Variants in DCHS2 observed in about 807,000 individuals in gnomAD.
DCHS2 encodes protocadherin-23.
Under a neutral mutation model 182.4 loss-of-function variants are expected in DCHS2, and 142 were observed. The observed-to-expected ratio is 0.78, with a 90% CI of 0.68 to 0.89. The LOEUF is 0.89. Ranked by LOEUF, DCHS2 falls within the 40% of genes least tolerant of loss-of-function variation. DCHS2 has a pLI of 0.00. For synonymous variants in DCHS2, 1,740 were observed against 1,663.3 expected (o/e 1.05, Z -1.12); for missense variants, 4,319 against 4,198.6 (o/e 1.03, Z -0.79).
At chr4:154,452,025 C>T (rs994329660) in intron 1 of DCHS2, among the ~76,000 whole-genome samples, 2 of 152,196 alleles carry the variant, frequency 1.3e-5, no homozygotes, top group African/African-American at 4.8e-5. Flanking sequence ...ACTTTCCAGA[C>T]ACTCCTGTCA....
intron 13 of DCHS2, among the ~76,000 whole-genome samples, chr4:154,295,575 T>A (rs186240872): frequency 5.9e-5 from 9 of 152,226 alleles, no homozygotes; most frequent in Non-Finnish European, 1.2e-4. Flanking sequence ...CACTAGTTCA[T>A]TGTTGTAATA....
rs190245857 is a variant in DCHS2 at position 154,370,487 on chromosome 4, A to C, written c.2245-4046T>G. ...ATTTTTTAAGATAGAGACTATTATT[A>C]TGCCCTGTATGCTTATGAGGGTCAT... On this transcript the variant is annotated intron_variant, in intron 2 of 19. Coordinates refer to ENST00000357232, the MANE Select transcript of DCHS2 (RefSeq NM_001358235.2). Among the ~76,000 whole-genome samples the C allele has an allele frequency of 8.8e-3, 1,333 of 152,302 alleles. 11 individuals are homozygous for C. The highest frequency in any genetic ancestry group is 0.014 in the Non-Finnish European group (923 of 68,012).
At chr4:154,426,938 A>G (rs1418350682) in intron 1 of DCHS2, among the ~76,000 whole-genome samples, 1 of 152,148 alleles carries the variant, frequency 6.6e-6, no homozygotes, top group Non-Finnish European at 1.5e-5. Flanking sequence ...TGCCCCATAA[A>G]TATATACACC....
chr4:154,344,768 TC>T (rs1236436147), intron 3 of DCHS2, among the ~76,000 whole-genome samples: 4 of 152,144 alleles, frequency 2.6e-5, no homozygotes, highest in Non-Finnish European at 5.9e-5. Flanking sequence ...TTCCGAGGCA[TC>T]CCTGTGCAGC....
intron 1 of DCHS2, among the ~76,000 whole-genome samples, chr4:154,420,234 GAGAC>G (rs71600327): frequency 1.0e-4 from 14 of 138,126 alleles, no homozygotes; most frequent in African/African-American, 3.3e-4. Flanking sequence ...GAACCGATGG[GAGAC>G]AGACAGACAG....
At chr4:154,475,327 T>C (rs1050080453) in intron 1 of DCHS2, among the ~76,000 whole-genome samples, 3 of 152,188 alleles carry the variant, frequency 2.0e-5, no homozygotes, top group African/African-American at 7.2e-5. Flanking sequence ...CCAATTAAAG[T>C]ATCAAAAAAG....
intron 7 of DCHS2, among the ~76,000 whole-genome samples, chr4:154,327,226 A>G (rs1736319009): frequency 6.6e-6 from 1 of 152,164 alleles, no homozygotes; most frequent in African/African-American, 2.4e-5. Context: ...CTATGCAAGT[A>G]AAACACCGCA....
intron 14 of DCHS2, among the ~76,000 whole-genome samples, chr4:154,266,321 G>A (rs1312499214): frequency 1.0e-4 from 1 of 9,974 alleles, no homozygotes; most frequent in Non-Finnish European, 1.9e-4. Context: ...AGAGTTGCAG[G>A]GGTTTTTTTT....
In DCHS2 at chr4:154,266,063, A is replaced by G. The variant is rs144474189; in HGVS notation, c.6577+3837T>C. Among the ~76,000 whole-genome samples the G allele has an allele frequency of 9.7e-3, 1,474 of 152,316 alleles. 10 individuals are homozygous for G. The highest frequency in any genetic ancestry group is 0.015 in the Non-Finnish European group (1,002 of 68,030). On this transcript the variant is annotated intron_variant, in intron 14 of 19. Transcript: ENST00000357232. ...TACGTGAATGTGGTCTCTCTTGCAA[A>G]ATATCGTATTGTACTGTATTCATCC...
At chr4:154,302,969 C>CA (rs1735276735) in intron 12 of DCHS2, among the ~76,000 whole-genome samples, 2,874 of 21,508 alleles carry the variant, frequency 0.13, 82 homozygotes, top group Admixed American at 0.16. Context: ...ACACACACAC[C>CA]CACACACACA....
rs561177526 is a variant in DCHS2 at position 154,239,020 on chromosome 4, C to T, written c.7492+150G>A. The T allele has an allele frequency of 2.8e-6, 3 of 1,061,972 alleles. No homozygotes were observed. In the East Asian group the frequency reaches 8.5e-5, roughly 30 times the overall value. The allele number at this position is 1,061,972 out of a possible 1,614,324, so 65.8% of individuals were successfully genotyped here. ...ACTGGCATTTGCTATCGCAGCACTT[C>T]ATGTGAAGAGTAATGAAACAGTCGT... On this transcript the variant is annotated intron_variant, in intron 19 of 19. Transcript: ENST00000357232.
intron 3 of DCHS2, among the ~76,000 whole-genome samples, chr4:154,335,825 C>T (rs537751294): frequency 7.2e-5 from 11 of 152,312 alleles, no homozygotes; most frequent in Admixed American, 5.2e-4. Flanking sequence ...AAACATTAGA[C>T]ATTTTAGAAG....
intron 1 of DCHS2, among the ~76,000 whole-genome samples, chr4:154,450,807 A>T (rs948348699): frequency 6.6e-6 from 1 of 152,068 alleles, no homozygotes. Flanking sequence ...GGGCAACAAG[A>T]GTGAAACTCC....
chr4:154,366,164 A>C, intron 3 of DCHS2, 46 bp downstream of exon 3: 1 of 1,521,210 alleles, frequency 6.6e-7, no homozygotes, highest in Non-Finnish European at 9.1e-7. Context: ...GTAGTTAAGC[A>C]GAAACTTTAT....
chr4:154,472,894 C>A (rs1466439064), intron 1 of DCHS2, among the ~76,000 whole-genome samples: 1 of 151,964 alleles, frequency 6.6e-6, no homozygotes, highest in East Asian at 1.9e-4. Context: ...CAGTTAGAAA[C>A]CAAATTTGAA....
intron 1 of DCHS2, among the ~76,000 whole-genome samples, chr4:154,378,507 A>G (rs1212709336): frequency 1.6e-5 from 2 of 127,416 alleles, no homozygotes; most frequent in African/African-American, 2.8e-5. Flanking sequence ...GTGGGAAGGA[A>G]GGAAGGAAGG....
At chr4:154,411,319 C>T (rs568793874) in intron 1 of DCHS2, among the ~76,000 whole-genome samples, 7 of 152,100 alleles carry the variant, frequency 4.6e-5, no homozygotes, top group Admixed American at 6.5e-5. Context: ...AAGTCTGGGG[C>T]GGGGCACTGT....
chr4:154,401,636 G>C (rs1001971524), intron 1 of DCHS2, among the ~76,000 whole-genome samples: 3 of 151,946 alleles, frequency 2.0e-5, no homozygotes, highest in African/African-American at 7.3e-5. Flanking sequence ...TTTCTTTTAT[G>C]GTCTGGGCAT....
intron 1 of DCHS2, among the ~76,000 whole-genome samples, chr4:154,441,175 T>C (rs899790229): frequency 3.9e-5 from 6 of 152,202 alleles, no homozygotes; most frequent in African/African-American, 1.4e-4. Context: ...GAAAGCCTCA[T>C]TGACTTAAAA....
Sources: gnomAD v4.1 joint callset for allele counts (sites outside exome capture counted in the v4.1 genomes callset) on GRCh38, gnomAD v4.1.1 for gene constraint, MANE v1.5 for transcripts, NCBI Gene and HGNC (gene_info 2026-07-23, HGNC 2026-07-21) for gene names.